The following VAT1L variants were observed in gnomAD, a reference collection of about 807,000 sequenced individuals.
The protein encoded by VAT1L is vesicle amine transport 1 like, also known as putative NADPH-dependent quinone oxidoreductase VAT1L.
In VAT1L, 34 loss-of-function variants were observed where a neutral mutation model predicts 44.1. That is an observed-to-expected ratio of 0.77 (90% confidence interval 0.59 to 1.03). The LOEUF (loss-of-function observed/expected upper bound fraction) is 1.03. Ranked by LOEUF, VAT1L falls within the 50% of genes least tolerant of loss-of-function variation. The probability of loss-of-function intolerance (pLI) is 0.00; values close to 1 mark genes in which losing one functional copy is unlikely to be tolerated. For missense variants in VAT1L, 615 were observed against 538.8 expected (o/e 1.14, Z -1.40); for synonymous variants, 253 against 202.2 (o/e 1.25, Z -2.13).
At chr16:77,888,294 C>T (rs2017229157) in intron 7 of VAT1L, among the ~76,000 whole-genome samples, 1 of 152,168 alleles carries the variant, frequency 6.6e-6, no homozygotes, top group African/African-American at 2.4e-5. Context: ...GCCTCCCTTC[C>T]ACTAGAATTT....
chr16:77,862,690 G>T (rs1003475509), intron 3 of VAT1L, 58 bp from the exon 4 acceptor site: 50 of 1,428,644 alleles, frequency 3.5e-5, no homozygotes, highest in Non-Finnish European at 4.7e-5. Context: ...CACCCAGCAA[G>T]ACTGGCTATG....
chr16:77,908,850 C>G (rs1489932395), intron 7 of VAT1L, among the ~76,000 whole-genome samples: 3 of 151,790 alleles, frequency 2.0e-5, no homozygotes, highest in Admixed American at 1.3e-4. Flanking sequence ...GGAGGCGGAG[C>G]TTGCAGTGAA....
At chr16:77,860,904 G>C (rs1386161333) in intron 3 of VAT1L, among the ~76,000 whole-genome samples, 1 of 152,214 alleles carries the variant, frequency 6.6e-6, no homozygotes, top group African/African-American at 2.4e-5. Flanking sequence ...TGCTTAAAAT[G>C]TCAAAATAAG....
At chr16:77,947,959 C>T (rs986245584) in intron 7 of VAT1L, among the ~76,000 whole-genome samples, 2 of 152,152 alleles carry the variant, frequency 1.3e-5, no homozygotes, top group Non-Finnish European at 2.9e-5. Flanking sequence ...GGGTTTTCCC[C>T]ATGTTGGTCA....
At chr16:77,955,057 G>C (rs941407903) in intron 7 of VAT1L, among the ~76,000 whole-genome samples, 10 of 152,148 alleles carry the variant, frequency 6.6e-5, no homozygotes, top group Non-Finnish European at 1.5e-4. Context: ...AGCGCCTATT[G>C]AGCTGTGTAC....
At chr16:77,858,560 T>C (rs2016884325) in intron 3 of VAT1L, among the ~76,000 whole-genome samples, 1 of 152,210 alleles carries the variant, frequency 6.6e-6, no homozygotes, top group South Asian at 2.1e-4. Flanking sequence ...AGAGTATTGC[T>C]AACCAAATAT....
At position 77,847,663 on chromosome 16, in the gene VAT1L, T is replaced by G. The variant is rs553683498; in HGVS notation, c.580-15085T>G. On this transcript the variant is annotated intron_variant, in intron 3 of 8. Coordinates refer to ENST00000302536, the MANE Select transcript of VAT1L (RefSeq NM_020927.3). ...TGGACCATGTAAGAAATTCTTCTTG[T>G]GCACATGCATCAAAAGGGCCAGGTC... Among the ~76,000 whole-genome samples the G allele has an allele frequency of 3.9e-5, 6 of 152,292 alleles. No homozygotes were observed. In the East Asian group the frequency reaches 9.7e-4, roughly 24 times the overall value.
At chr16:77,812,344 A>T (rs2016280427) in intron 1 of VAT1L, among the ~76,000 whole-genome samples, 1 of 152,124 alleles carries the variant, frequency 6.6e-6, no homozygotes, top group Non-Finnish European at 1.5e-5. Flanking sequence ...AAGTGCTGGG[A>T]TTACAGGCGT....
At chr16:77,795,289 GAAA>G (rs1567464409) in intron 1 of VAT1L, among the ~76,000 whole-genome samples, 28 of 142,924 alleles carry the variant, frequency 2.0e-4, no homozygotes, top group African/African-American at 6.6e-4. Flanking sequence ...GGGGCGGGGG[GAAA>G]GATTGAGAAA....
chr16:77,854,191 CT>C (rs1300136193), intron 3 of VAT1L, among the ~76,000 whole-genome samples: 1 of 152,136 alleles, frequency 6.6e-6, no homozygotes, highest in African/African-American at 2.4e-5. Context: ...CTGTCCCACT[CT>C]TTTCCATTTT....
At chr16:77,959,784 C>T (rs917779747) in intron 7 of VAT1L, among the ~76,000 whole-genome samples, 3 of 152,204 alleles carry the variant, frequency 2.0e-5, no homozygotes, top group African/African-American at 7.2e-5. Flanking sequence ...AAGGAACTAA[C>T]CACTCACGTA....
chr16:77,922,626 G>A (rs1010263025), intron 7 of VAT1L, among the ~76,000 whole-genome samples: 3 of 152,162 alleles, frequency 2.0e-5, no homozygotes, highest in South Asian at 2.1e-4. Context: ...AAACAGCCTC[G>A]AAAATAGGGC....
intron 1 of VAT1L, among the ~76,000 whole-genome samples, chr16:77,809,599 T>C (rs1414969429): frequency 6.6e-6 from 1 of 152,018 alleles, no homozygotes; most frequent in Admixed American, 6.5e-5. Context: ...AAAAAATAAA[T>C]GTCATGATGA....
chr16:77,830,440 A>T (rs1432015982), intron 3 of VAT1L, among the ~76,000 whole-genome samples: 3 of 152,150 alleles, frequency 2.0e-5, no homozygotes, highest in African/African-American at 7.2e-5. Flanking sequence ...CCAAAATCTC[A>T]TCTTGAATTA....
chr16:77,971,870 G>C lies in VAT1L; in HGVS notation c.1098G>C (p.Arg366=). The C allele has an allele frequency of 6.2e-7, 1 of 1,613,886 alleles. No homozygotes were observed. The change falls in exon 8 of 9, where the codon CGG becomes CGC. Residue 366 remains arginine, a synonymous_variant. Coordinates refer to ENST00000302536, the MANE Select transcript of VAT1L (RefSeq NM_020927.3). ...ALEEVKEAMQ[R]IHDRGNIGKL... ...CGCAGGTGAAGGAGGCCATGCAGCG[G>C]ATTCACGACCGAGGGAACATTGGCA...
intron 7 of VAT1L, among the ~76,000 whole-genome samples, chr16:77,957,085 G>C (rs986868146): frequency 1.3e-5 from 2 of 152,100 alleles, no homozygotes; most frequent in African/African-American, 4.8e-5. Context: ...CAATTCCTTT[G>C]TACCAACTTA....
At chr16:77,918,244 C>T (rs1294878013) in intron 7 of VAT1L, among the ~76,000 whole-genome samples, 1 of 152,168 alleles carries the variant, frequency 6.6e-6, no homozygotes. Context: ...AAAGGTGATA[C>T]AGTGAGCCCA....
At chr16:77,821,860 G>A (rs971417417) in intron 2 of VAT1L, among the ~76,000 whole-genome samples, 3 of 152,116 alleles carry the variant, frequency 2.0e-5, no homozygotes, top group Non-Finnish European at 2.9e-5. Context: ...GAAAGTTTTG[G>A]AGAAAAGAAC....
Position 77,862,137 on chromosome 16 carries a change from A to G in VAT1L, c.580-611A>G, listed in dbSNP as rs566720466. 2.0e-5 allele frequency among the ~76,000 whole-genome samples: 3 copies of G among 152,248 alleles called. No individual in the cohort carries two copies. In the South Asian group the frequency reaches 6.2e-4, roughly 32 times the overall value. On this transcript the variant is annotated intron_variant, in intron 3 of 8. Transcript: ENST00000302536. Reference sequence around the variant, plus strand: ...GCCTGATTCCCATTGACTTTCCTCTATGCCAGTGATTCTTAACCACAGGAC... The same window carrying G: ...GCCTGATTCCCATTGACTTTCCTCTGTGCCAGTGATTCTTAACCACAGGAC...
Sources: gnomAD v4.1 joint callset for allele counts (sites outside exome capture counted in the v4.1 genomes callset) on GRCh38, gnomAD v4.1.1 for gene constraint, MANE v1.5 for transcripts, NCBI Gene and HGNC (gene_info 2026-07-23, HGNC 2026-07-21) for gene names.